Variants in GNA12 observed in about 807,000 individuals in gnomAD.
GNA12 encodes the protein guanine nucleotide-binding protein subunit alpha-12.
In GNA12, 9 loss-of-function variants were observed where a neutral mutation model predicts 26.0. The observed-to-expected ratio is 0.35, with a 90% CI of 0.21 to 0.60. GNA12 has a LOEUF of 0.60. Among genes scored for constraint, GNA12 ranks in the 20% least tolerant of loss-of-function variants. The pLI is 0.78. For synonymous variants in GNA12, 264 were observed against 219.6 expected (o/e 1.20, Z -1.79); for missense variants, 405 against 525.8 (o/e 0.77, Z 2.25).
chr7:2,795,006 C>G lies in GNA12; in HGVS notation c.447G>C (p.Leu149=), dbSNP rs1271662708. ...AGAGTGCGCTCAGGGCCGGGACGTA[C>G]AGCTGGAAGGTGGCCGGCTCCACAG... is the stretch of plus-strand genomic sequence containing the variant. ...GLPVEPATFQ[L]YVPALSALWR... The change falls in exon 2 of 4, where the codon CTG becomes CTC. Residue 149 remains leucine (L), a synonymous_variant. Coordinates refer to ENST00000275364, the MANE Select transcript of GNA12 (RefSeq NM_007353.3). 1 of 1,614,222 alleles carries G rather than the reference C, an allele frequency of 6.2e-7. No individual in the cohort carries two copies. The highest frequency in any genetic ancestry group is 1.7e-5 in the Admixed American group (1 of 60,028).
At chr7:2,736,332 A>G (rs1326136529) in intron 2 of GNA12, among the ~76,000 whole-genome samples, 1 of 152,176 alleles carries the variant, frequency 6.6e-6, no homozygotes, top group Non-Finnish European at 1.5e-5. Flanking sequence ...CTTGGTGTGA[A>G]AAACCTACAC....
At chr7:2,762,687 C>T (rs1362722580) in intron 2 of GNA12, 14 of 1,583,036 alleles carry the variant, frequency 8.8e-6, no homozygotes, top group Non-Finnish European at 9.4e-6. Context: ...AAAGAAACCA[C>T]GCTGCCCGGG....
chr7:2,736,247 G>C (rs982357997), intron 2 of GNA12, among the ~76,000 whole-genome samples: 1 of 152,210 alleles, frequency 6.6e-6, no homozygotes, highest in African/African-American at 2.4e-5. Flanking sequence ...GACGAGCCCA[G>C]AGTCCTCTCA....
intron 2 of GNA12, among the ~76,000 whole-genome samples, chr7:2,740,126 T>C (rs548415444): frequency 6.6e-6 from 1 of 152,186 alleles, no homozygotes; most frequent in Non-Finnish European, 1.5e-5. Context: ...TTAAAAACGG[T>C]GGCCATCCTA....
intron 1 of GNA12, among the ~76,000 whole-genome samples, chr7:2,829,693 T>C (rs1793559112): frequency 6.6e-6 from 1 of 152,188 alleles, no homozygotes; most frequent in Non-Finnish European, 1.5e-5. Context: ...TTCATCTGAC[T>C]TTTGTGTGCT....
chr7:2,733,384 G>C, intron 3 of GNA12, 67 bp downstream of exon 3: 1 of 1,282,174 alleles, frequency 7.8e-7, no homozygotes, highest in African/African-American at 1.7e-5. Context: ...AACGTGGACT[G>C]CTTTGGTCTC....
At chr7:2,733,554 G>A (rs1790008598) in intron 2 of GNA12, 53 bp from the exon 3 acceptor site, 2 of 1,412,016 alleles carry the variant, frequency 1.4e-6, no homozygotes, top group Admixed American at 1.7e-5. Flanking sequence ...GAATCCTGAT[G>A]TGGCAAATAC....
chr7:2,840,558 TATTTA>T (rs955714995), intron 1 of GNA12, among the ~76,000 whole-genome samples: 26 of 152,226 alleles, frequency 1.7e-4, no homozygotes, highest in Non-Finnish European at 3.5e-4. Flanking sequence ...CAGAGCAATT[TATTTA>T]AAGTCCCTTC....
intron 2 of GNA12, among the ~76,000 whole-genome samples, chr7:2,786,363 A>G (rs375630414): frequency 1.5e-4 from 23 of 152,374 alleles, no homozygotes; most frequent in African/African-American, 5.3e-4. Context: ...GCGCCTGGCG[A>G]TAAGACTGGT....
At chr7:2,813,268 C>T (rs1015312798) in intron 1 of GNA12, among the ~76,000 whole-genome samples, 1 of 152,216 alleles carries the variant, frequency 6.6e-6, no homozygotes, top group Non-Finnish European at 1.5e-5. Context: ...AAGTTTCAAA[C>T]TATAAATATT....
Position 2,822,766 on chromosome 7 carries a change from C to G in GNA12, c.309+21087G>C, listed in dbSNP as rs183674456. The stretch of plus-strand genomic sequence containing the variant: ...AGTAAAGGCTGCAGCGAGCTATGAT[C>G]GCCCCACTGCACTCCAGCCTGGGCG... On this transcript the variant is annotated intron_variant, in intron 1 of 3. Transcript: ENST00000275364. Among the ~76,000 whole-genome samples, 5 of 152,194 alleles carry G rather than the reference C, an allele frequency of 3.3e-5. No individual in the cohort carries two copies. In the South Asian group the frequency reaches 8.3e-4, roughly 25 times the overall value.
intron 1 of GNA12, among the ~76,000 whole-genome samples, chr7:2,832,173 T>A (rs147349107): frequency 1.6e-4 from 25 of 152,328 alleles, no homozygotes; most frequent in South Asian, 4.1e-4. Flanking sequence ...TCGAAAGGCC[T>A]CTTCCACTAG....
intron 2 of GNA12, among the ~76,000 whole-genome samples, chr7:2,772,029 G>A (rs1190779869): frequency 1.3e-5 from 2 of 152,220 alleles, no homozygotes; most frequent in East Asian, 1.9e-4. Flanking sequence ...GACTGATGAC[G>A]TCGACTGAGC....
At chr7:2,817,252 G>A (rs1236492179) in intron 1 of GNA12, among the ~76,000 whole-genome samples, 4 of 152,138 alleles carry the variant, frequency 2.6e-5, no homozygotes, top group Admixed American at 6.5e-5. Context: ...TTACAGGCAC[G>A]CGCCACCATG....
intron 2 of GNA12, chr7:2,762,312 A>T (rs1389173773): frequency 3.4e-6 from 1 of 297,220 alleles, no homozygotes; most frequent in Non-Finnish European, 6.2e-6. Flanking sequence ...CCCACCACTC[A>T]CGCCAGGCGC....
At chr7:2,737,279 T>G (rs555762473) in intron 2 of GNA12, among the ~76,000 whole-genome samples, 232 of 73,018 alleles carry the variant, frequency 3.2e-3, no homozygotes, top group African/African-American at 9.8e-3. Context: ...GTTTTGTTTT[T>G]TTTTTTTTTG....
chr7:2,840,431 C>T (rs1021309864), intron 1 of GNA12, among the ~76,000 whole-genome samples: 1 of 152,172 alleles, frequency 6.6e-6, no homozygotes, highest in Non-Finnish European at 1.5e-5. Flanking sequence ...GGATCAGGCA[C>T]GATGTGTACA....
intron 2 of GNA12, among the ~76,000 whole-genome samples, chr7:2,736,576 T>G (rs926919662): frequency 6.6e-6 from 1 of 152,168 alleles, no homozygotes; most frequent in African/African-American, 2.4e-5. Context: ...ATATGGGGCC[T>G]GTGCACCTGT....
intron 2 of GNA12, among the ~76,000 whole-genome samples, chr7:2,790,119 C>T (rs548993535): frequency 6.6e-6 from 1 of 152,350 alleles, no homozygotes; most frequent in Admixed American, 6.5e-5. Context: ...TCTGCCACCT[C>T]ACTCCGCACT....
Sources: gnomAD v4.1 joint callset for allele counts (sites outside exome capture counted in the v4.1 genomes callset) on GRCh38, gnomAD v4.1.1 for gene constraint, MANE v1.5 for transcripts, NCBI Gene and HGNC (gene_info 2026-07-23, HGNC 2026-07-21) for gene names.